The following CRY1 variants were observed in gnomAD, a reference collection of about 807,000 sequenced individuals.
CRY1 encodes the protein cryptochrome circadian regulator 1.
A neutral mutation model predicts 76.0 loss-of-function variants in CRY1; 45 were observed. The observed-to-expected ratio is 0.59, with a 90% confidence interval of 0.47 to 0.76. CRY1 has a LOEUF of 0.76. CRY1 is among the 30% of genes least tolerant of loss of function. The probability of loss-of-function intolerance (pLI) is 0.00; values close to 1 mark genes in which losing one functional copy is unlikely to be tolerated. For missense variants in CRY1, 587 were observed against 716.4 expected (o/e 0.82, Z 2.06); for synonymous variants, 248 against 244.0 (o/e 1.02, Z -0.15).
chr12:107,064,308 A>G (rs1426672772), intron 1 of CRY1, among the ~76,000 whole-genome samples: 1 of 152,232 alleles, frequency 6.6e-6, no homozygotes, highest in African/African-American at 2.4e-5. Flanking sequence ...AAAAGATTAG[A>G]GTAACACACT....
intron 1 of CRY1, among the ~76,000 whole-genome samples, chr12:107,062,761 G>C (rs1372562580): frequency 6.6e-6 from 1 of 152,104 alleles, no homozygotes; most frequent in Admixed American, 6.6e-5. Context: ...ATGAATACAG[G>C]ATTATCCATA....
intron 1 of CRY1, among the ~76,000 whole-genome samples, chr12:107,050,538 C>T (rs140473180): frequency 6.6e-6 from 1 of 152,184 alleles, no homozygotes; most frequent in African/African-American, 2.4e-5. Context: ...ATGTGATTCT[C>T]CTGCTTCCCT....
chr12:107,072,772 TATC>T (rs1565843766), intron 1 of CRY1, among the ~76,000 whole-genome samples: 1 of 152,232 alleles, frequency 6.6e-6, no homozygotes, highest in African/African-American at 2.4e-5. Flanking sequence ...TTGTATTTCT[TATC>T]TTCTTATGGG....
At chr12:107,079,074 C>T (rs1160755773) in intron 1 of CRY1, among the ~76,000 whole-genome samples, 1 of 152,078 alleles carries the variant, frequency 6.6e-6, no homozygotes, top group African/African-American at 2.4e-5. Flanking sequence ...TGAACTATAC[C>T]CACTTATCTG....
chr12:107,007,135 G>A (rs754873503), intron 2 of CRY1, among the ~76,000 whole-genome samples: 6 of 152,068 alleles, frequency 3.9e-5, no homozygotes, highest in Non-Finnish European at 7.4e-5. Flanking sequence ...TTGTTAGTAC[G>A]AACTTGCTAT....
chr12:107,083,384 A>G (rs971388799), intron 1 of CRY1, among the ~76,000 whole-genome samples: 1 of 152,198 alleles, frequency 6.6e-6, no homozygotes, highest in African/African-American at 2.4e-5. Flanking sequence ...TGGCAGACAC[A>G]ACAAAAAAAG....
At chr12:107,055,451 A>C (rs1001775872) in intron 1 of CRY1, among the ~76,000 whole-genome samples, 2 of 152,166 alleles carry the variant, frequency 1.3e-5, no homozygotes, top group African/African-American at 4.8e-5. Context: ...TGTATCAGAT[A>C]AAAAGGAAAG....
chr12:107,019,931 CA>C (rs1285713812), intron 2 of CRY1, among the ~76,000 whole-genome samples: 1 of 148,704 alleles, frequency 6.7e-6, no homozygotes. Context: ...CAGCACCAAA[CA>C]AAAAAAAAGG....
intron 1 of CRY1, among the ~76,000 whole-genome samples, chr12:107,038,034 T>C (rs12311829): frequency 0.016 from 2,434 of 152,240 alleles, 69 homozygotes; most frequent in African/African-American, 0.056. Context: ...AAAGGATCAC[T>C]TGGGCTGCTG....
intron 1 of CRY1, among the ~76,000 whole-genome samples, chr12:107,044,846 T>C (rs188057513): frequency 1.6e-4 from 24 of 152,054 alleles, no homozygotes. Flanking sequence ...GAAATAAGAA[T>C]GAAAAAGAAC....
intron 1 of CRY1, among the ~76,000 whole-genome samples, chr12:107,084,462 T>A (rs1351362330): frequency 6.6e-6 from 1 of 152,178 alleles, no homozygotes; most frequent in African/African-American, 2.4e-5. Flanking sequence ...CAAAATAGCA[T>A]GGTACTGGTA....
At chr12:107,039,422 T>G (rs1487840186) in intron 1 of CRY1, among the ~76,000 whole-genome samples, 1 of 152,154 alleles carries the variant, frequency 6.6e-6, no homozygotes, top group Non-Finnish European at 1.5e-5. Flanking sequence ...TGCAAACCAT[T>G]TATCTGATAA....
intron 1 of CRY1, among the ~76,000 whole-genome samples, chr12:107,064,840 T>C (rs931295689): frequency 6.6e-6 from 1 of 152,216 alleles, no homozygotes; most frequent in Non-Finnish European, 1.5e-5. Flanking sequence ...TTCACAAATA[T>C]GTTAGAAGAA....
At chr12:107,010,987 G>A (rs1416987774) in intron 2 of CRY1, among the ~76,000 whole-genome samples, 1 of 152,152 alleles carries the variant, frequency 6.6e-6, no homozygotes, top group African/African-American at 2.4e-5. Context: ...GAAACGAGGA[G>A]TCACACATCT....
At chr12:107,007,723 T>C (rs1952391259) in intron 2 of CRY1, among the ~76,000 whole-genome samples, 1 of 151,988 alleles carries the variant, frequency 6.6e-6, no homozygotes, top group South Asian at 2.1e-4. Flanking sequence ...AAAGACAGGG[T>C]CTCACTGTAT....
At chr12:107,001,526 T>G (rs937213847) in intron 4 of CRY1, among the ~76,000 whole-genome samples, 158 bp from the exon 5 acceptor site, 1 of 152,176 alleles carries the variant, frequency 6.6e-6, no homozygotes, top group Admixed American at 6.5e-5. Context: ...GGATATGACA[T>G]GGTTTCAATT....
At chr12:107,023,619 T>C (rs1952580036) in intron 1 of CRY1, among the ~76,000 whole-genome samples, 2 of 152,210 alleles carry the variant, frequency 1.3e-5, no homozygotes, top group South Asian at 4.1e-4. Flanking sequence ...TCTTCCTCTT[T>C]AGGAGCACCA....
In CRY1 at chr12:106,992,962, T is replaced by G. The variant is rs184039278; in HGVS notation, c.1657+3A>C. On this transcript the variant is annotated splice_donor_region_variant and intron_variant, in intron 11 of 12. Transcript: ENST00000008527. ...ACAGTATGCTCCAATGCTTCATTCT[T>G]ACCTTGCTTCAACAGGTGAGTTTGC... 7,071 of 1,614,074 alleles carry G rather than the reference T, an allele frequency of 4.4e-3. 41 individuals carry two copies. Among genetic ancestry groups the G allele is most frequent in the Middle Eastern group, 0.011 (66 of 6,062 alleles).
chr12:106,995,264 A>C (rs1025997827), intron 10 of CRY1, among the ~76,000 whole-genome samples: 1 of 152,230 alleles, frequency 6.6e-6, no homozygotes. Flanking sequence ...AGGCAGTCAA[A>C]ATGTGAGTGC....
Sources: allele counts gnomAD v4.1 joint callset (sites outside exome capture counted in the v4.1 genomes callset), GRCh38; gene constraint gnomAD v4.1.1; transcripts MANE v1.5; gene names NCBI Gene and HGNC (gene_info 2026-07-23, HGNC 2026-07-21).